Variants in WWOX observed in about 807,000 individuals in gnomAD.
The protein encoded by WWOX is WW domain containing oxidoreductase.
In WWOX, 69 loss-of-function variants were observed where a neutral mutation model predicts 46.2. The observed-to-expected ratio is 1.49, with a 90% CI of 1.23 to 1.82. The LOEUF is 1.82. WWOX is among the 40% of genes most tolerant of loss of function. The pLI is 0.00. For synonymous variants in WWOX, 359 were observed against 202.6 expected (o/e 1.77, Z -6.56); for missense variants, 919 against 542.6 (o/e 1.69, Z -6.89).
chr16:78,496,397 T>A (rs2084919634), intron 8 of WWOX: 1 of 152,264 alleles, frequency 6.6e-6, no homozygotes, highest in South Asian at 2.1e-4. Flanking sequence ...CCTTGTCGTG[T>A]TGACCTTATT....
chr16:78,792,789 A>C (rs937387250), intron 8 of WWOX, among the ~76,000 whole-genome samples: 1 of 152,172 alleles, frequency 6.6e-6, no homozygotes, highest in East Asian at 1.9e-4. Flanking sequence ...AAGGAAGGCC[A>C]GGATCCTCAC....
In WWOX at chr16:79,212,073, T is replaced by C; in HGVS notation, c.*277T>C. The C allele has an allele frequency of 6.5e-7, 1 of 1,536,442 alleles. No homozygotes were observed. The highest frequency in any genetic ancestry group is 8.7e-7 in the Non-Finnish European group (1 of 1,146,942). ...GTAAAAACCTGCTTGGTGTGTAGGT[T>C]CCGTATCTCCCTGGAGAAGCACCAG... On this transcript the variant is annotated 3_prime_UTR_variant, in exon 9 of 9. Coordinates refer to ENST00000566780, the MANE Select transcript of WWOX (RefSeq NM_016373.4).
chr16:79,026,392 G>C (rs1300489929), intron 8 of WWOX, among the ~76,000 whole-genome samples: 10 of 151,548 alleles, frequency 6.6e-5, no homozygotes, highest in Admixed American at 6.6e-4. Context: ...ATACCTTCCA[G>C]ACTCCCCTGG....
chr16:78,630,198 G>A (rs1329409013), intron 8 of WWOX, among the ~76,000 whole-genome samples: 1 of 152,136 alleles, frequency 6.6e-6, no homozygotes, highest in Non-Finnish European at 1.5e-5. Context: ...TCCTCATCTG[G>A]CTGTAAGTTT....
At chr16:79,087,856 C>T (rs1411107809) in intron 8 of WWOX, among the ~76,000 whole-genome samples, 1 of 152,126 alleles carries the variant, frequency 6.6e-6, no homozygotes, top group African/African-American at 2.4e-5. Context: ...CCAGGAAATG[C>T]TGAAAGTTCA....
chr16:78,546,196 G>A (rs1013854394), intron 8 of WWOX, among the ~76,000 whole-genome samples: 1 of 152,158 alleles, frequency 6.6e-6, no homozygotes, highest in Admixed American at 6.5e-5. Context: ...TACTAATACA[G>A]CTTAGAACAG....
chr16:78,254,995 C>G (rs923236561), intron 5 of WWOX, among the ~76,000 whole-genome samples: 8 of 152,220 alleles, frequency 5.3e-5, no homozygotes, highest in African/African-American at 1.9e-4. Context: ...CTTAAGAGGC[C>G]TCACTTTGCA....
intron 8 of WWOX, among the ~76,000 whole-genome samples, chr16:78,836,067 A>G (rs1025119471): frequency 5.3e-5 from 8 of 152,204 alleles, no homozygotes; most frequent in Non-Finnish European, 7.3e-5. Flanking sequence ...ACATTGTTCT[A>G]TTGATTTCGT....
chr16:78,194,587 CAAAAA>C (rs368008924), intron 5 of WWOX, among the ~76,000 whole-genome samples: 1 of 98,540 alleles, frequency 1.0e-5, no homozygotes, highest in African/African-American at 3.6e-5. Flanking sequence ...GACTCCATCT[CAAAAA>C]AAAAAAAAAA....
At chr16:78,541,903 A>G (rs1276393199) in intron 8 of WWOX, among the ~76,000 whole-genome samples, 1 of 151,682 alleles carries the variant, frequency 6.6e-6, no homozygotes, top group Non-Finnish European at 1.5e-5. Flanking sequence ...AATAAAAAAT[A>G]AAAGTTAAAT....
At chr16:78,363,006 A>G (rs940883179) in intron 5 of WWOX, among the ~76,000 whole-genome samples, 1 of 152,138 alleles carries the variant, frequency 6.6e-6, no homozygotes. Context: ...CTTCAGTTCC[A>G]TGTGTAGGGG....
At chr16:79,061,611 C>G (rs1479022810) in intron 8 of WWOX, among the ~76,000 whole-genome samples, 3 of 152,144 alleles carry the variant, frequency 2.0e-5, no homozygotes, top group Non-Finnish European at 2.9e-5. Context: ...CATTTTAAGG[C>G]TGTGTGAGCA....
chr16:78,406,771 C>T (rs957998811), intron 6 of WWOX, among the ~76,000 whole-genome samples: 13 of 151,842 alleles, frequency 8.6e-5, no homozygotes, highest in African/African-American at 1.5e-4. Flanking sequence ...GGATTACAGT[C>T]GTGTGCCACC....
chr16:79,194,596 A>G (rs1567609872), intron 8 of WWOX, among the ~76,000 whole-genome samples: 1 of 151,758 alleles, frequency 6.6e-6, no homozygotes, highest in Non-Finnish European at 1.5e-5. Context: ...ACCTTTTCCC[A>G]CTTCCATCCT....
rs144910280 is a variant in WWOX at position 78,870,997 on chromosome 16, T to G, written c.1057-340611T>G. ...AAGTGTCCCAATAGCCAGGGTCTCA[T>G]AGACTCTGCTTATGGTTAATTCTTC... On this transcript the variant is annotated intron_variant, in intron 8 of 8. Transcript: ENST00000566780. Among the ~76,000 whole-genome samples, 599 of 152,326 alleles carry G rather than the reference T, an allele frequency of 3.9e-3. 2 individuals are homozygous for G. The highest frequency in any genetic ancestry group is 0.013 in the African/African-American group (548 of 41,566).
At chr16:78,952,960 A>C (rs1023933418) in intron 8 of WWOX, among the ~76,000 whole-genome samples, 13 of 152,196 alleles carry the variant, frequency 8.5e-5, no homozygotes, top group African/African-American at 3.1e-4. Context: ...CAAAGGCTTC[A>C]GCAAAACCAC....
intron 8 of WWOX, among the ~76,000 whole-genome samples, chr16:78,903,823 A>G (rs763533181): frequency 6.6e-6 from 1 of 152,212 alleles, no homozygotes; most frequent in Non-Finnish European, 1.5e-5. Context: ...CATTTATAAC[A>G]TAATTCATAA....
intron 5 of WWOX, among the ~76,000 whole-genome samples, chr16:78,188,059 C>G (rs192511149): frequency 6.6e-6 from 1 of 152,090 alleles, no homozygotes; most frequent in Non-Finnish European, 1.5e-5. Context: ...GTTTCTTATT[C>G]AATCGATTAA....
intron 8 of WWOX, among the ~76,000 whole-genome samples, chr16:78,800,931 C>G (rs946923943): frequency 1.5e-5 from 2 of 135,218 alleles, no homozygotes; most frequent in Non-Finnish European, 3.2e-5. Flanking sequence ...ATCAAACTCT[C>G]AAATGGAAGT....
Sources: gnomAD v4.1 joint callset for allele counts (sites outside exome capture counted in the v4.1 genomes callset) on GRCh38, gnomAD v4.1.1 for gene constraint, MANE v1.5 for transcripts, NCBI Gene and HGNC (gene_info 2026-07-23, HGNC 2026-07-21) for gene names.